The following SLC35G1 variants were observed in gnomAD, a reference collection of about 807,000 sequenced individuals.
SLC35G1 encodes the protein solute carrier family 35 member G1.
In SLC35G1, 10 loss-of-function variants were observed where a neutral mutation model predicts 17.1. The observed-to-expected ratio is 0.59, with a 90% CI of 0.36 to 0.99. SLC35G1 has a LOEUF of 0.99. Among genes scored for constraint, SLC35G1 ranks in the 50% least tolerant of loss-of-function variants. SLC35G1 has a pLI of 0.01. For synonymous variants in SLC35G1, 185 were observed against 181.1 expected, an observed-to-expected ratio of 1.02 and a Z score of -0.18; for missense variants, 433 against 468.4, an observed-to-expected ratio of 0.92 and a Z score of 0.70.
chr10:93,909,127 A>G (rs2060444072), exon 3 of SLC35G1: 1 of 152,234 alleles, frequency 6.6e-6, no homozygotes, highest in African/African-American at 2.4e-5. Flanking sequence ...ACTTTACTGT[A>G]TCCTTCAGGT....
In SLC35G1 at chr10:93,901,264, T is replaced by C. The variant is rs760208308; in HGVS notation, c.872T>C (p.Ile291Thr). 18 of 1,613,882 alleles carry C rather than the reference T, an allele frequency of 1.1e-5. No individual in the cohort carries two copies. Among genetic ancestry groups the C allele is most frequent in the Non-Finnish European group, 1.5e-5 (18 of 1,179,832 alleles). Residue 291 changes from isoleucine (I) to threonine (T), a missense_variant, in exon 3 of 3, where the codon ATT becomes ACT. By Grantham distance (89) the Ile-to-Thr change is moderately conservative. Coordinates refer to ENST00000427197, the MANE Select transcript of SLC35G1 (RefSeq NM_001134658.3). ...TTGGACAGGCTATTTCTCATATTCA[T>C]TGGGCTCTTTGGTTTGGGGGGTCAG... is the stretch of plus-strand genomic sequence containing the variant. ...CGLDRLFLIF[I>T]GLFGLGGQIF...
chr10:93,896,609 C>T (rs2060333016), intron 1 of SLC35G1, among the ~76,000 whole-genome samples: 1 of 152,132 alleles, frequency 6.6e-6, no homozygotes, highest in African/African-American at 2.4e-5. Flanking sequence ...TCCTCACCCT[C>T]GTTAACAAAT....
At chr10:93,908,858 A>C (rs1273792044) in exon 3 of SLC35G1, 2 of 152,152 alleles carry the variant, frequency 1.3e-5, no homozygotes, top group African/African-American at 4.8e-5. Flanking sequence ...CAGTCATCTG[A>C]ATATACAGAA....
rs563853637 is a variant in SLC35G1, at chr10:93,901,721, T to C, written c.*231T>C. ...GTTTTGGTTTTTTTTGTTGTTGTTG[T>C]TGGGGTCAAGTTGGTGAGAGGAGAG... On this transcript the variant is annotated 3_prime_UTR_variant, in exon 3 of 3. Coordinates refer to ENST00000427197, the MANE Select transcript of SLC35G1 (RefSeq NM_001134658.3). 3.2e-4 allele frequency: 127 copies of C among 392,650 alleles called. 1 individual carries two copies. The highest frequency in any genetic ancestry group is 3.5e-4 in the Non-Finnish European group (80 of 228,244). 24.3% of individuals were successfully genotyped at this position (392,650 alleles called of 1,614,324 possible). A position where few individuals can be genotyped will look rare whatever the true frequency, so the allele number is the denominator to read the frequency against.
chr10:93,894,001 G>T lies in SLC35G1; in HGVS notation c.-33G>T, dbSNP rs1251978107. 26 of 1,348,044 alleles carry T rather than the reference G, an allele frequency of 1.9e-5. 1 individual carries two copies. In the South Asian group the frequency reaches 4.2e-4, roughly 22 times the overall value. The allele number at this position is 1,348,044 out of a possible 1,614,324, so 83.5% of individuals were successfully genotyped here. On this transcript the variant is annotated 5_prime_UTR_variant, in exon 1 of 3. Transcript: ENST00000427197. ...CCAGGCGCTGCTGCTGGCGCCAGAC[G>T]GCACCGGCCGCTGGTAGAGCGCGTG...
At chr10:93,905,284 G>C (rs57001292), downstream of SLC35G1, among the ~76,000 whole-genome samples, 463 of 152,216 alleles carry the variant, frequency 3.0e-3, 4 homozygotes, top group African/African-American at 0.01. Flanking sequence ...TCTGATCTAG[G>C]TGTGTATGGA....
downstream of SLC35G1, among the ~76,000 whole-genome samples, chr10:93,905,178 T>C (rs2060420503): frequency 6.6e-6 from 1 of 152,172 alleles, no homozygotes; most frequent in South Asian, 2.1e-4. Context: ...GCATGGTTCT[T>C]TTAGCCTCTT....
chr10:93,897,434 A>G (rs1370219272), intron 1 of SLC35G1, among the ~76,000 whole-genome samples: 1 of 152,200 alleles, frequency 6.6e-6, no homozygotes, highest in Non-Finnish European at 1.5e-5. Flanking sequence ...TTTTCCTACA[A>G]GTTGCTCATA....
At chr10:93,895,875 C>T (rs1217091383) in intron 1 of SLC35G1, among the ~76,000 whole-genome samples, 1 of 152,162 alleles carries the variant, frequency 6.6e-6, no homozygotes, top group Non-Finnish European at 1.5e-5. Context: ...TAGGCCTGTG[C>T]CTCACATCCT....
intron 1 of SLC35G1, among the ~76,000 whole-genome samples, chr10:93,896,433 C>T (rs775111009): frequency 2.6e-5 from 4 of 152,170 alleles, no homozygotes; most frequent in Non-Finnish European, 1.5e-5. Flanking sequence ...TGGCCACTTA[C>T]CTAATTTGAA....
rs534552490 is a variant in SLC35G1 at position 93,894,475 on chromosome 10, G to C, written c.178+264G>C. Reference sequence around the variant, plus strand: ...CGAGGCTGCTCCTGTAATTAGTGTCGGGGCAGGGCTGTGGAGTCAGACTGC... The same window carrying C: ...CGAGGCTGCTCCTGTAATTAGTGTCCGGGCAGGGCTGTGGAGTCAGACTGC... On this transcript the variant is annotated intron_variant, in intron 1 of 2. Coordinates refer to ENST00000427197, the MANE Select transcript of SLC35G1 (RefSeq NM_001134658.3). Among the ~76,000 whole-genome samples the C allele has an allele frequency of 2.0e-5, 3 of 152,202 alleles. No individual in the cohort carries two copies. The East Asian group carries it at 5.8e-4, about 30-fold the overall frequency.
Position 93,901,470 on chromosome 10 carries a change from T to C in SLC35G1, c.1078T>C (p.Trp360Arg), listed in dbSNP as rs568345324. ...ASNVGAAIRK[W>R]YQSSK Reference sequence around the variant, plus strand: ...TAATGTTGGAGCGGCCATTCGTAAATGGTACCAAAGTTCCAAATGAAGCAT... The same window carrying C: ...TAATGTTGGAGCGGCCATTCGTAAACGGTACCAAAGTTCCAAATGAAGCAT... Residue 360 changes from tryptophan to arginine, a missense_variant, in exon 3 of 3, where the codon TGG becomes CGG. Physicochemically the swap from Trp to Arg is moderately radical, Grantham distance 101 (BLOSUM62 -3). Coordinates refer to ENST00000427197, the MANE Select transcript of SLC35G1 (RefSeq NM_001134658.3). The C allele has an allele frequency of 1.0e-5, 16 of 1,597,530 alleles. No individual in the cohort carries two copies. The African/African-American group carries it at 1.8e-4, about 18-fold the overall frequency.
Position 93,901,316 on chromosome 10 carries a change from A to T in SLC35G1, c.924A>T (p.Ile308=). Residue 308 remains isoleucine, a synonymous_variant, in exon 3 of 3, where the codon ATA becomes ATT. Transcript: ENST00000427197. Reference sequence around the variant, plus strand: ...TATTTATCACAAAAGCACTTCAAATAGAAAAAGCAGGGCCAGTAGCAATAA... The same window carrying T: ...TATTTATCACAAAAGCACTTCAAATTGAAAAAGCAGGGCCAGTAGCAATAA... The part of the protein sequence containing the change: ...GQIFITKALQ[I]EKAGPVAIMK... The T allele has an allele frequency of 2.5e-6, 4 of 1,614,012 alleles. No homozygotes were observed. Among genetic ancestry groups the T allele is most frequent in the Non-Finnish European group, 3.4e-6 (4 of 1,179,960 alleles).
chr10:93,896,742 A>G (rs999261721), intron 1 of SLC35G1, among the ~76,000 whole-genome samples: 2 of 152,206 alleles, frequency 1.3e-5, no homozygotes, highest in African/African-American at 4.8e-5. Context: ...ACTAGGGCCA[A>G]GGGGGTGCAA....
chr10:93,908,417 A>G (rs972412398), downstream of SLC35G1: 1 of 152,220 alleles, frequency 6.6e-6, no homozygotes, highest in African/African-American at 2.4e-5. Flanking sequence ...GCCCTTTCCA[A>G]TACTTCATGC....
intron 1 of SLC35G1, among the ~76,000 whole-genome samples, chr10:93,895,510 A>G (rs2060321696): frequency 6.6e-6 from 1 of 152,244 alleles, no homozygotes; most frequent in Non-Finnish European, 1.5e-5. Context: ...CTCTACTCCC[A>G]GGCAGCTCAT....
intron 1 of SLC35G1, among the ~76,000 whole-genome samples, chr10:93,896,244 CCTTGTCCTCCCAA>C (rs1455709675): frequency 6.6e-6 from 1 of 152,180 alleles, no homozygotes; most frequent in African/African-American, 2.4e-5. Context: ...GATCCTCCCA[CCTTGTCCTCCCAA>C]GGTGCTGGGA....
At chr10:93,894,296 C>T in intron 1 of SLC35G1, 85 bp downstream of exon 1, 1 of 1,232,680 alleles carries the variant, frequency 8.1e-7, no homozygotes, top group Admixed American at 4.2e-5. Flanking sequence ...GCAACCCGGG[C>T]ACAGTGCCCG....
chr10:93,907,483 G>A (rs898794243), downstream of SLC35G1: 4 of 152,174 alleles, frequency 2.6e-5, no homozygotes, highest in Admixed American at 6.5e-5. Context: ...TACTGGTTAA[G>A]TAAGTCATGG....
Sources: allele counts gnomAD v4.1 joint callset (sites outside exome capture counted in the v4.1 genomes callset), GRCh38; gene constraint gnomAD v4.1.1; transcripts MANE v1.5; gene names NCBI Gene and HGNC (gene_info 2026-07-23, HGNC 2026-07-21).